MYO9A: variants seen among roughly 807,000 people sequenced by gnomAD.
The protein encoded by MYO9A is myosin IXA.
In MYO9A, 103 loss-of-function variants were observed where a neutral mutation model predicts 293.3. That is an observed-to-expected ratio of 0.35 (90% CI 0.30 to 0.41). MYO9A has a LOEUF of 0.41. Among genes scored for constraint, MYO9A ranks in the 10% least tolerant of loss-of-function variants. MYO9A has a pLI of 1.00. For synonymous variants in MYO9A, 1,001 were observed against 1,035.7 expected (o/e 0.97, Z 0.64); for missense variants, 2,685 against 3,033.0 (o/e 0.89, Z 2.69).
At chr15:72,040,169 C>A (rs2078182402) in intron 2 of MYO9A, 1 of 152,896 alleles carries the variant, frequency 6.5e-6, no homozygotes, top group African/African-American at 2.4e-5. Context: ...TGCTGGGAGC[C>A]CGTAGATAGG....
intron 4 of MYO9A, among the ~76,000 whole-genome samples, chr15:72,023,547 T>C (rs1033920026): frequency 1.3e-5 from 2 of 151,574 alleles, no homozygotes; most frequent in African/African-American, 4.8e-5. Context: ...ACAAAAAAAA[T>C]AGCTGGGCAT....
At chr15:71,959,683 T>C (rs1172200204) in intron 14 of MYO9A, 1 of 534,956 alleles carries the variant, frequency 1.9e-6, no homozygotes, top group Admixed American at 3.2e-5. Context: ...TCTGACTTTA[T>C]CCTCATTATT....
At chr15:72,011,155 C>T (rs2077161691) in intron 6 of MYO9A, among the ~76,000 whole-genome samples, 2 of 151,688 alleles carry the variant, frequency 1.3e-5, no homozygotes, top group South Asian at 4.2e-4. Flanking sequence ...AACTACCCAG[C>T]TAGTCCTACC....
chr15:71,948,314 C>T (rs1229120491), intron 15 of MYO9A, among the ~76,000 whole-genome samples: 1 of 151,992 alleles, frequency 6.6e-6, no homozygotes, highest in Non-Finnish European at 1.5e-5. Context: ...CTTCTTTATT[C>T]CTTCCAGTAA....
intron 34 of MYO9A, among the ~76,000 whole-genome samples, chr15:71,856,090 C>T (rs2055852574): frequency 6.6e-6 from 1 of 152,060 alleles, no homozygotes; most frequent in South Asian, 2.1e-4. Flanking sequence ...GTGGGTGGAT[C>T]ACCTAAGGTC....
chr15:71,828,033 G>A lies in MYO9A; in HGVS notation c.7041-7C>T, dbSNP rs1394573945. 3 of 1,609,302 alleles carry A rather than the reference G, an allele frequency of 1.9e-6. No individual in the cohort carries two copies. Among genetic ancestry groups the A allele is most frequent in the Admixed American group, 3.4e-5 (2 of 58,988 alleles). On this transcript the variant is annotated splice_polypyrimidine_tract_variant and splice_region_variant and intron_variant, in intron 40 of 41. Transcript: ENST00000356056. Reference sequence around the variant, plus strand: ...CTCAAATGTTAGCTCCTCCCTGTAAGACACAATCAAGAAACCATTAGCATT... The same window carrying A: ...CTCAAATGTTAGCTCCTCCCTGTAAAACACAATCAAGAAACCATTAGCATT...
chr15:71,974,307 G>T (rs1298129262), intron 12 of MYO9A, among the ~76,000 whole-genome samples: 2 of 152,176 alleles, frequency 1.3e-5, no homozygotes, highest in Non-Finnish European at 2.9e-5. Flanking sequence ...GAAGATAAAA[G>T]AATGAAGGGC....
intron 27 of MYO9A, among the ~76,000 whole-genome samples, chr15:71,886,940 G>A (rs1016249762): frequency 6.6e-6 from 1 of 152,022 alleles, no homozygotes; most frequent in Non-Finnish European, 1.5e-5. Flanking sequence ...CGAAAAAGTG[G>A]TCTTTAATAT....
intron 15 of MYO9A, among the ~76,000 whole-genome samples, chr15:71,941,302 G>A (rs368080425): frequency 9.9e-5 from 15 of 152,204 alleles, no homozygotes; most frequent in African/African-American, 3.6e-4. Context: ...CGGCATGGTG[G>A]CACACACTTG....
intron 4 of MYO9A, 65 bp from the exon 5 acceptor site, chr15:72,021,082 AG>A: frequency 5.0e-6 from 5 of 993,270 alleles, no homozygotes; most frequent in African/African-American, 1.7e-5. Context: ...TAACAGGGGG[AG>A]GGGGGAAGCA....
In MYO9A at chr15:71,931,587, T is replaced by C. The variant is rs569010816; in HGVS notation, c.2562+2083A>G. On this transcript the variant is annotated intron_variant, in intron 18 of 41. Transcript: ENST00000356056. ...CTTAATAAGGATCTCTTTGGATGGATAGTATTCGGTGTCCTTTGAATTTTC... is the reference window on the plus strand; with the variant it reads ...CTTAATAAGGATCTCTTTGGATGGACAGTATTCGGTGTCCTTTGAATTTTC... Among the ~76,000 whole-genome samples the C allele has an allele frequency of 1.4e-4, 22 of 152,326 alleles. No individual in the cohort carries two copies. In the South Asian group the frequency reaches 1.9e-3, roughly 13 times the overall value.
chr15:71,898,439 T>C lies in MYO9A; in HGVS notation c.4064A>G (p.Gln1355Arg), dbSNP rs761379785. 6 of 1,613,858 alleles carry C rather than the reference T, an allele frequency of 3.7e-6. No homozygotes were observed. The highest frequency in any genetic ancestry group is 1.7e-5 in the Admixed American group (1 of 59,994). The change falls in exon 25 of 42, where the codon CAG becomes CGG. Residue 1355 changes from glutamine (Q) to arginine (R), a missense_variant. By Grantham distance (43) the Gln-to-Arg change is conservative. This residue lies in a region of MYO9A where 1,434 missense variants were observed against 1,497.7 expected (regional missense o/e 0.96). Transcript: ENST00000356056. The part of the protein sequence containing the change: ...ESVISDEGDL[Q>R]FPSPKISSSP... ...GCTGGATATCTTAGGTGATGGAAACTGCAAGTCTCCTTCATCTGAAATGAC... is the reference window on the plus strand; with the variant it reads ...GCTGGATATCTTAGGTGATGGAAACCGCAAGTCTCCTTCATCTGAAATGAC...
chr15:71,956,133 A>C (rs2957724), intron 14 of MYO9A, among the ~76,000 whole-genome samples: 94,816 of 148,422 alleles, frequency 0.64, 31,511 homozygotes, highest in Middle Eastern at 0.74. Flanking sequence ...AGCAAGACCC[A>C]CCTCCAAAAA....
chr15:72,081,224 A>G (rs2079534390), intron 1 of MYO9A, among the ~76,000 whole-genome samples: 1 of 152,092 alleles, frequency 6.6e-6, no homozygotes, highest in Non-Finnish European at 1.5e-5. Flanking sequence ...CCCCGCTAGC[A>G]TCTGTTATTT....
intron 27 of MYO9A, among the ~76,000 whole-genome samples, chr15:71,886,923 C>T (rs886413996): frequency 2.0e-5 from 3 of 152,042 alleles, no homozygotes; most frequent in African/African-American, 4.8e-5. Context: ...TATACCTCTA[C>T]AGTCAGCGAA....
At chr15:71,872,879 T>C (rs16956355) in intron 32 of MYO9A, among the ~76,000 whole-genome samples, 3,463 of 152,118 alleles carry the variant, frequency 0.023, 124 homozygotes, top group African/African-American at 0.081. Flanking sequence ...TTTGCACAAA[T>C]AGTAGCTTTC....
intron 5 of MYO9A, among the ~76,000 whole-genome samples, chr15:72,019,582 TA>T (rs1235759139): frequency 6.6e-6 from 1 of 152,210 alleles, no homozygotes; most frequent in Non-Finnish European, 1.5e-5. Flanking sequence ...ATTCTATGTG[TA>T]AAAATTAATA....
chr15:71,942,518 G>C (rs748788830), intron 15 of MYO9A, among the ~76,000 whole-genome samples: 2 of 151,782 alleles, frequency 1.3e-5, no homozygotes, highest in South Asian at 4.1e-4. Context: ...TGACATCTTA[G>C]TTTATATTTT....
chr15:71,990,958 C>A, intron 11 of MYO9A, 145 bp downstream of exon 11: 1 of 817,552 alleles, frequency 1.2e-6, no homozygotes, highest in Admixed American at 4.0e-5. Flanking sequence ...TTCGGTTATT[C>A]TTGTTTGTAA....
Sources: allele counts gnomAD v4.1 joint callset (sites outside exome capture counted in the v4.1 genomes callset), GRCh38; gene constraint gnomAD v4.1.1; regional missense constraint gnomAD v4.1.1; transcripts MANE v1.5; gene names NCBI Gene and HGNC (gene_info 2026-07-23, HGNC 2026-07-21).